Variants in POTEF observed in about 807,000 individuals in gnomAD.
POTEF encodes POTE ankyrin domain family member F, also known as ANKRD26-like family C member 1B.
Under a neutral mutation model 83.2 loss-of-function variants are expected in POTEF, and 20 were observed. The observed-to-expected ratio is 0.24, with a 90% CI of 0.17 to 0.35. The LOEUF (loss-of-function observed/expected upper bound fraction) is 0.35. Ranked by LOEUF, POTEF falls within the 10% of genes least tolerant of loss-of-function variation. The pLI is 1.00. For synonymous variants in POTEF, 196 were observed against 446.4 expected, an observed-to-expected ratio of 0.44 and a Z score of 7.07; for missense variants, 550 against 1,203.2, an observed-to-expected ratio of 0.46 and a Z score of 8.03.
intron 2 of POTEF, among the ~76,000 whole-genome samples, chr2:130,126,404 C>A (rs1343490499): frequency 6.6e-6 from 1 of 151,954 alleles, no homozygotes; most frequent in Non-Finnish European, 1.5e-5. Flanking sequence ...TAGAACTTAC[C>A]CCGTGACTCC....
rs267598869 is a variant in POTEF, at chr2:130,075,437, C to A, written c.2035G>T (p.Asp679Tyr). 1 of 1,611,484 alleles carries A rather than the reference C, an allele frequency of 6.2e-7. No homozygotes were observed. Among genetic ancestry groups the A allele is most frequent in the Admixed American group, 1.7e-5 (1 of 59,944 alleles). The part of the protein sequence containing the change: ...SQLREKKYLE[D>Y]IESVKKRNDN... ...TTCCTTTTTTTCACACTTTCAATAT[C>A]CTCCAAATATTTCTTTTCTCTTAGC... is the stretch of plus-strand genomic sequence containing the variant. The change falls in exon 17 of 17, where the codon GAT becomes TAT. Residue 679 changes from aspartate (D) to tyrosine (Y), a missense_variant. Asp to Tyr is a radical substitution (Grantham distance 160). Transcript: ENST00000409914.
At chr2:130,115,182 A>C (rs1484112195) in intron 4 of POTEF, 32 bp downstream of exon 4, 1 of 1,612,236 alleles carries the variant, frequency 6.2e-7, no homozygotes, top group African/African-American at 1.3e-5. Flanking sequence ...AATCAAACCC[A>C]CCTCATGCTG....
At chr2:130,121,096 C>G (rs1428217516) in intron 2 of POTEF, among the ~76,000 whole-genome samples, 1 of 151,718 alleles carries the variant, frequency 6.6e-6, no homozygotes, top group African/African-American at 2.4e-5. Flanking sequence ...ACAAGCCAGC[C>G]AAGCTGCTGC....
chr2:130,107,154 G>A (rs1684559861), intron 8 of POTEF, among the ~76,000 whole-genome samples: 1 of 141,532 alleles, frequency 7.1e-6, no homozygotes, highest in African/African-American at 2.8e-5. Flanking sequence ...ATAATCTGCT[G>A]AGCCTAGAGT....
intron 8 of POTEF, among the ~76,000 whole-genome samples, chr2:130,105,936 T>TA (rs1684514228): frequency 1.3e-5 from 2 of 150,622 alleles, no homozygotes; most frequent in African/African-American, 5.0e-5. Context: ...ATCAGGTATT[T>TA]ACCTTCCCAG....
At chr2:130,126,834 G>A (rs1451733389) in intron 2 of POTEF, among the ~76,000 whole-genome samples, 6 of 151,878 alleles carry the variant, frequency 4.0e-5, no homozygotes, top group Admixed American at 6.6e-5. Flanking sequence ...AAAAGAGGAG[G>A]AGAAACAAGA....
intron 8 of POTEF, among the ~76,000 whole-genome samples, chr2:130,104,183 A>G (rs936426942): frequency 4.0e-5 from 6 of 150,136 alleles, no homozygotes. Context: ...AGTCAATTCT[A>G]TAAGAAGTCA....
In POTEF at chr2:130,075,633, C is replaced by G; in HGVS notation, c.1900-61G>C. ...ATAGATTGACATATCATGATTTCTT[C>G]TGAAATTCAAAAATAACATGTATTT... On this transcript the variant is annotated intron_variant, in intron 16 of 16. Coordinates refer to ENST00000409914, the MANE Select transcript of POTEF (RefSeq NM_001099771.2). 1.9e-6 allele frequency: 3 copies of G among 1,545,718 alleles called. No individual in the cohort carries two copies. The East Asian group carries it at 6.8e-5, about 35-fold the overall frequency.
At chr2:130,125,627 T>C (rs56031327) in intron 2 of POTEF, among the ~76,000 whole-genome samples, 91,711 of 151,004 alleles carry the variant, frequency 0.61, 28,059 homozygotes, top group Admixed American at 0.72. Flanking sequence ...AATAAAGCCT[T>C]GTTTTTGGTT....
chr2:130,075,182 T>C lies in POTEF; in HGVS notation c.2290A>G (p.Ile764Val), dbSNP rs769911470. 1 of 1,613,106 alleles carries C rather than the reference T, an allele frequency of 6.2e-7. No individual in the cohort carries two copies. Among genetic ancestry groups the C allele is most frequent in the Admixed American group, 1.7e-5 (1 of 59,878 alleles). The stretch of plus-strand genomic sequence containing the variant: ...TCCATGGGGTACTTCAGGGTCAGGA[T>C]GCCTCTTTTGCTCTGGGCCTCCTTG... ...VGKEAQSKRG[I>V]LTLKYPMEHG... Residue 764 changes from isoleucine to valine, a missense_variant, in exon 17 of 17, where the codon ATC becomes GTC. By Grantham distance (29) the Ile-to-Val change is conservative. Transcript: ENST00000409914.
chr2:130,120,162 G>T lies in POTEF; in HGVS notation c.354C>A (p.Gly118=). The change falls in exon 3 of 17, where the codon GGC becomes GGA. Residue 118 remains glycine (G), a synonymous_variant. Coordinates refer to ENST00000409914, the MANE Select transcript of POTEF (RefSeq NM_001099771.2). ...CACTGTCATCGTAGTCTCCCCAAGC[G>T]CCCACCTTGCTCTTGCTGCTCCCCC... ...CCRGSSKSKV[G]AWGDYDDSAF... The T allele has an allele frequency of 6.2e-7, 1 of 1,609,052 alleles. No individual in the cohort carries two copies.
At chr2:130,078,229 G>C (rs1309037946) in intron 15 of POTEF, among the ~76,000 whole-genome samples, 1 of 88,234 alleles carries the variant, frequency 1.1e-5, no homozygotes, top group Non-Finnish European at 2.4e-5. Context: ...TCCTAGATTT[G>C]ATACATGAAT....
At chr2:130,117,720 T>C (rs1684877628) in intron 3 of POTEF, among the ~76,000 whole-genome samples, 1 of 151,862 alleles carries the variant, frequency 6.6e-6, no homozygotes, top group Non-Finnish European at 1.5e-5. Context: ...TACACTGCTA[T>C]TTTAATCAAT....
In POTEF at chr2:130,075,095, C is replaced by T. The variant is rs201364219; in HGVS notation, c.2377G>A (p.Glu793Lys). 2.0e-4 allele frequency: 325 copies of T among 1,613,774 alleles called. 2 individuals carry two copies. In the East Asian group the frequency reaches 5.3e-3, roughly 26 times the overall value. The change falls in exon 17 of 17, where the codon GAG (glutamate) becomes AAG (lysine). Residue 793 changes from glutamate (E) to lysine (K), a missense_variant. Glu to Lys is a moderately conservative substitution (Grantham distance 56). Transcript: ENST00000409914. ...TGCTCCTCGGGAGCCACACGCAGCT[C>T]GTTGTAGAAGGTGTGGTGCCAGATC... ...EKIWHHTFYN[E>K]LRVAPEEHPV...
intron 5 of POTEF, among the ~76,000 whole-genome samples, chr2:130,113,659 C>T (rs1489608061): frequency 7.7e-6 from 1 of 130,038 alleles, no homozygotes; most frequent in East Asian, 2.3e-4. Flanking sequence ...ACCACCATGC[C>T]TGGCTTCAAG....
At chr2:130,103,283 A>C (rs1426442299) in intron 8 of POTEF, among the ~76,000 whole-genome samples, 1 of 150,006 alleles carries the variant, frequency 6.7e-6, no homozygotes, top group Non-Finnish European at 1.5e-5. Context: ...TCGTGTTTTT[A>C]GTAGAGACGG....
Position 130,113,888 on chromosome 2 carries a change from G to C in POTEF, c.810+993C>G, listed in dbSNP as rs528552905. Among the ~76,000 whole-genome samples the C allele has an allele frequency of 8.0e-3, 1,214 of 151,672 alleles. 13 individuals are homozygous for C. Among genetic ancestry groups the C allele is most frequent in the Middle Eastern group, 0.034 (10 of 294 alleles). On this transcript the variant is annotated intron_variant, in intron 5 of 16. Coordinates refer to ENST00000409914, the MANE Select transcript of POTEF (RefSeq NM_001099771.2). The stretch of plus-strand genomic sequence containing the variant: ...AAGATTTGGCCAAAAAGAGTAAGGA[G>C]TAGGAGAGAGACCCATTTGCTGAAA...
At position 130,104,076 on chromosome 2, in the gene POTEF, A is replaced by C. The variant is rs3863892; in HGVS notation, c.1127-1896T>G. On this transcript the variant is annotated intron_variant, in intron 8 of 16. Coordinates refer to ENST00000409914, the MANE Select transcript of POTEF (RefSeq NM_001099771.2). ...GCCAAAACCAATATTCCTACTGAAC[A>C]ATTATTCATTAAGACAAGGTGACAG... Among the ~76,000 whole-genome samples, 45 of 149,340 alleles carry C rather than the reference A, an allele frequency of 3.0e-4. 1 individual carries two copies. The highest frequency in any genetic ancestry group is 3.4e-3 in the Middle Eastern group (1 of 294).
chr2:130,103,916 G>A (rs930206201), intron 8 of POTEF, among the ~76,000 whole-genome samples: 3 of 141,994 alleles, frequency 2.1e-5, no homozygotes, highest in African/African-American at 8.3e-5. Flanking sequence ...GGCACACAGG[G>A]AAAAGGCCTA....
Sources: gnomAD v4.1 joint callset for allele counts (sites outside exome capture counted in the v4.1 genomes callset) on GRCh38, gnomAD v4.1.1 for gene constraint, MANE v1.5 for transcripts, NCBI Gene and HGNC (gene_info 2026-07-23, HGNC 2026-07-21) for gene names.